The following RAPGEF1 variants were observed in gnomAD, a reference collection of about 807,000 sequenced individuals.
RAPGEF1 encodes Rap guanine nucleotide exchange factor 1.
Under a neutral mutation model 143.3 loss-of-function variants are expected in RAPGEF1, and 33 were observed. That is an observed-to-expected ratio of 0.23 (90% CI 0.17 to 0.31). RAPGEF1 has a LOEUF of 0.31. RAPGEF1 is among the 10% of genes least tolerant of loss of function. The pLI, the probability that RAPGEF1 is intolerant of heterozygous loss-of-function variation, is 1.00. For synonymous variants in RAPGEF1, 629 were observed against 676.5 expected (o/e 0.93, Z 1.09); for missense variants, 1,199 against 1,645.4 (o/e 0.73, Z 4.69).
chr9:131,648,977 G>T (rs1442696139), intron 3 of RAPGEF1, among the ~76,000 whole-genome samples: 1 of 152,098 alleles, frequency 6.6e-6, no homozygotes, highest in Non-Finnish European at 1.5e-5. Flanking sequence ...AATCACTAAA[G>T]GATTAAGAAT....
chr9:131,649,200 A>ATTTTTTTTTTTTTTTTTT (rs55813422), intron 3 of RAPGEF1, among the ~76,000 whole-genome samples: 1 of 87,236 alleles, frequency 1.1e-5, no homozygotes, highest in Non-Finnish European at 2.1e-5. Flanking sequence ...GCCTGGCTAA[A>ATTTTTTTTTTTTTTTTTT]TTTTTTTTTT....
At chr9:131,709,364 C>T (rs1835342149) in intron 1 of RAPGEF1, among the ~76,000 whole-genome samples, 1 of 152,114 alleles carries the variant, frequency 6.6e-6, no homozygotes, top group South Asian at 2.1e-4. Flanking sequence ...TAAAAATTTT[C>T]AACAGACACA....
At chr9:131,613,393 A>G (rs1450783589) in intron 12 of RAPGEF1, among the ~76,000 whole-genome samples, 5 of 152,104 alleles carry the variant, frequency 3.3e-5, no homozygotes, top group Non-Finnish European at 7.4e-5. Context: ...GAGCCAGGGA[A>G]GCTGGCCCTG....
At chr9:131,622,781 T>TG (rs1339740468) in intron 10 of RAPGEF1, among the ~76,000 whole-genome samples, 1 of 151,268 alleles carries the variant, frequency 6.6e-6, no homozygotes, top group Non-Finnish European at 1.5e-5. Context: ...CTTTTTTTTT[T>TG]TTTGAGACAG....
At chr9:131,590,273 C>T (rs1187277148) in intron 18 of RAPGEF1, among the ~76,000 whole-genome samples, 1 of 148,716 alleles carries the variant, frequency 6.7e-6, no homozygotes, top group Non-Finnish European at 1.5e-5. Flanking sequence ...CCCCGAGGTG[C>T]CCATGAGATT....
In RAPGEF1 at chr9:131,588,056, CAG is replaced by C. The variant is rs537535613; in HGVS notation, c.3054-32_3054-31del. ...AAGACAGAGGTGTGAGAAGAGCCGT[CAG>C]GGGTGGGGAGGCCGGTGGGGAGGGC... On this transcript the variant is annotated intron_variant, in intron 20 of 26. Coordinates refer to ENST00000683357, the MANE Select transcript of RAPGEF1 (RefSeq NM_001377935.1). 55 of 1,588,138 alleles carry C rather than the reference CAG, an allele frequency of 3.5e-5. No individual in the cohort carries two copies. In the African/African-American group the frequency reaches 5.9e-4, roughly 17 times the overall value.
At chr9:131,684,957 G>A (rs549196397) in intron 1 of RAPGEF1, among the ~76,000 whole-genome samples, 19 of 152,332 alleles carry the variant, frequency 1.2e-4, no homozygotes, top group African/African-American at 4.3e-4. Context: ...GACAGATCAA[G>A]AAGCTGTCAC....
intron 1 of RAPGEF1, among the ~76,000 whole-genome samples, chr9:131,704,820 TG>T (rs1353511793): frequency 6.6e-6 from 1 of 152,160 alleles, no homozygotes; most frequent in East Asian, 1.9e-4. Flanking sequence ...CCTGCCTGCC[TG>T]CCTACCTCTG....
intron 5 of RAPGEF1, 90 bp from the exon 6 acceptor site, chr9:131,630,414 G>A (rs530722447): frequency 4.0e-5 from 50 of 1,255,366 alleles, no homozygotes; most frequent in Non-Finnish European, 5.4e-5. Flanking sequence ...GTCCTCTGCT[G>A]CTGAGTCTCA....
chr9:131,603,837 C>G, intron 14 of RAPGEF1, 124 bp downstream of exon 14: 1 of 473,848 alleles, frequency 2.1e-6, no homozygotes, highest in South Asian at 2.0e-5. Context: ...GGAGCCCAGT[C>G]TGCTGGTGAC....
intron 1 of RAPGEF1, among the ~76,000 whole-genome samples, chr9:131,704,393 C>A (rs867240447): frequency 4.0e-5 from 6 of 151,746 alleles, no homozygotes; most frequent in Admixed American, 1.3e-4. Flanking sequence ...CCTTAACTCA[C>A]CCCCTGCCAC....
At chr9:131,699,999 C>T (rs748026501) in intron 1 of RAPGEF1, among the ~76,000 whole-genome samples, 2 of 151,066 alleles carry the variant, frequency 1.3e-5, no homozygotes, top group Non-Finnish European at 3.0e-5. Context: ...GCACCTCAAA[C>T]TCACTCTGTA....
intron 5 of RAPGEF1, among the ~76,000 whole-genome samples, chr9:131,631,011 C>A (rs1964690346): frequency 6.6e-6 from 1 of 151,756 alleles, no homozygotes; most frequent in African/African-American, 2.4e-5. Flanking sequence ...TGCATATACC[C>A]AAGTAAGCGC....
Position 131,699,239 on chromosome 9 carries a change from CTT to C in RAPGEF1, c.61+40529_61+40530del, listed in dbSNP as rs35856609. On this transcript the variant is annotated intron_variant, in intron 1 of 26. Coordinates refer to ENST00000683357, the MANE Select transcript of RAPGEF1 (RefSeq NM_001377935.1). ...TTTCACACCCAACACTCCACTGACA[CTT>C]TTTTTTTTTTTTTTTTTTCTGAGGT... 2.8e-3 allele frequency among the ~76,000 whole-genome samples: 350 copies of C among 124,758 alleles called. 1 individual carries two copies. Among genetic ancestry groups the C allele is most frequent in the South Asian group, 6.7e-3 (25 of 3,734 alleles). 81.8% of individuals were successfully genotyped at this position (124,758 alleles called of 152,430 possible). A position where few individuals can be genotyped will look rare whatever the true frequency, so the allele number is the denominator to read the frequency against.
At chr9:131,696,875 A>G (rs917434155) in intron 1 of RAPGEF1, among the ~76,000 whole-genome samples, 1 of 152,278 alleles carries the variant, frequency 6.6e-6, no homozygotes, top group Non-Finnish European at 1.5e-5. Context: ...TGCTATAATA[A>G]CATTAACAGC....
chr9:131,606,809 G>A (rs1159056874), intron 12 of RAPGEF1, among the ~76,000 whole-genome samples: 1 of 152,030 alleles, frequency 6.6e-6, no homozygotes, highest in East Asian at 1.9e-4. Context: ...TTTTTTTGTA[G>A]AAACGGGGTC....
chr9:131,696,238 C>G (rs1281466304), intron 1 of RAPGEF1, among the ~76,000 whole-genome samples: 3 of 152,220 alleles, frequency 2.0e-5, no homozygotes, highest in African/African-American at 4.8e-5. Context: ...GAGGGGATGA[C>G]ACCTGAGTGT....
In RAPGEF1 at chr9:131,625,480, C is replaced by G. The variant is rs529108770; in HGVS notation, c.1702+442G>C. ...GTCATTCTGGGAGCATGAACAGAGA[C>G]AGTGTGCTCTAGACAGGGATCCTTA... is the stretch of plus-strand genomic sequence containing the variant. On this transcript the variant is annotated intron_variant, in intron 10 of 26. Coordinates refer to ENST00000683357, the MANE Select transcript of RAPGEF1 (RefSeq NM_001377935.1). Among the ~76,000 whole-genome samples, 12 of 152,308 alleles carry G rather than the reference C, an allele frequency of 7.9e-5. No homozygotes were observed. In the South Asian group the frequency reaches 2.5e-3, roughly 32 times the overall value.
chr9:131,714,603 T>C (rs552668376), intron 1 of RAPGEF1, among the ~76,000 whole-genome samples: 62 of 151,782 alleles, frequency 4.1e-4, no homozygotes, highest in Non-Finnish European at 6.6e-4. Flanking sequence ...GCCCAGAATA[T>C]AAACAAAAGC....
Sources: gnomAD v4.1 joint callset for allele counts (sites outside exome capture counted in the v4.1 genomes callset) on GRCh38, gnomAD v4.1.1 for gene constraint, MANE v1.5 for transcripts, NCBI Gene and HGNC (gene_info 2026-07-23, HGNC 2026-07-21) for gene names.